The following TMPRSS11A variants were observed in gnomAD, a reference collection of about 807,000 sequenced individuals.
TMPRSS11A encodes the protein transmembrane protease serine 11A.
A neutral mutation model predicts 58.9 loss-of-function variants in TMPRSS11A; 53 were observed. The ratio of observed to expected loss-of-function variants is 0.90; its 90% CI spans 0.72 to 1.13. The LOEUF (loss-of-function observed/expected upper bound fraction) is 1.13, where lower values mean the gene tolerates loss of function less well. TMPRSS11A is among the 50% of genes most tolerant of loss of function. The pLI is 0.00. For missense variants in TMPRSS11A, 493 were observed against 499.3 expected (o/e 0.99, Z 0.12); for synonymous variants, 167 against 169.8 (o/e 0.98, Z 0.13).
At position 67,920,506 on chromosome 4, in the gene TMPRSS11A, G is replaced by A. The variant is rs566611239; in HGVS notation, c.693-1274C>T. Among the ~76,000 whole-genome samples the A allele has an allele frequency of 4.3e-5, 6 of 138,056 alleles. No individual in the cohort carries two copies. The South Asian group carries it at 1.4e-3, about 32-fold the overall frequency. The allele number at this position is 138,056 out of a possible 152,430, so 90.6% of individuals were successfully genotyped here. On this transcript the variant is annotated intron_variant, in intron 7 of 9. Coordinates refer to ENST00000508048, the MANE Select transcript of TMPRSS11A (RefSeq NM_001114387.2). ...CAATGTGGTAGGGCATCTGGAAGTT[G>A]GTTCTGGAAAAATGAGGTAATTATA... is the stretch of plus-strand genomic sequence containing the variant.
At chr4:67,937,492 G>C (rs997406970) in intron 3 of TMPRSS11A, among the ~76,000 whole-genome samples, 2 of 152,164 alleles carry the variant, frequency 1.3e-5, no homozygotes, top group Non-Finnish European at 2.9e-5. Flanking sequence ...AATTGATTTA[G>C]ATTTTAATAA....
intron 1 of TMPRSS11A, among the ~76,000 whole-genome samples, chr4:67,949,961 G>A (rs1438429): frequency 0.95 from 144,858 of 152,300 alleles, 69,339 homozygotes; most frequent in East Asian, 1. Flanking sequence ...ATCCTTTTGG[G>A]ATCTAACCTT....
chr4:67,949,887 C>A (rs906228557), intron 1 of TMPRSS11A, among the ~76,000 whole-genome samples: 3 of 152,098 alleles, frequency 2.0e-5, no homozygotes, highest in Admixed American at 6.6e-5. Context: ...TCTCATTCTG[C>A]AGAGGCCATA....
At position 67,924,014 on chromosome 4, in the gene TMPRSS11A, T is replaced by C. The variant is rs558711606; in HGVS notation, c.520+114A>G. ...GTATTTAAATCTATCGTACAAATAG[T>C]TATTATCTCTCAAAGAAAATCTGGA... On this transcript the variant is annotated intron_variant, in intron 6 of 9. Transcript: ENST00000508048. 21 of 876,526 alleles carry C rather than the reference T, an allele frequency of 2.4e-5. No homozygotes were observed. The African/African-American group carries it at 3.2e-4, about 13-fold the overall frequency. 54.3% of individuals were successfully genotyped at this position (876,526 alleles called of 1,614,324 possible). A position where few individuals can be genotyped will look rare whatever the true frequency, so the allele number is the denominator to read the frequency against.
intron 3 of TMPRSS11A, 138 bp downstream of exon 3, chr4:67,944,381 T>A (rs756464256): frequency 3.1e-6 from 3 of 969,662 alleles, no homozygotes; most frequent in Non-Finnish European, 4.6e-6. Flanking sequence ...TAAGCAGGTC[T>A]GGGATGGGGC....
At chr4:67,935,054 TACA>T (rs538179938) in intron 3 of TMPRSS11A, among the ~76,000 whole-genome samples, 37 of 152,312 alleles carry the variant, frequency 2.4e-4, no homozygotes, top group Non-Finnish European at 4.9e-4. Context: ...TTCTCCTAAT[TACA>T]ACAAGAGTAA....
At chr4:67,958,605 A>G (rs1295874678) in intron 1 of TMPRSS11A, among the ~76,000 whole-genome samples, 1 of 152,232 alleles carries the variant, frequency 6.6e-6, no homozygotes, top group Non-Finnish European at 1.5e-5. Flanking sequence ...TTACAGGCTC[A>G]TAGGCAGAAG....
At chr4:67,918,312 T>A (rs979888314) in intron 8 of TMPRSS11A, among the ~76,000 whole-genome samples, 2 of 152,224 alleles carry the variant, frequency 1.3e-5, no homozygotes, top group African/African-American at 4.8e-5. Flanking sequence ...TCATTATTTC[T>A]TACAAGACTA....
chr4:67,924,211 TG>T (rs1720404525), intron 5 of TMPRSS11A, 45 bp from the exon 6 acceptor site: 1 of 1,575,630 alleles, frequency 6.3e-7, no homozygotes, highest in African/African-American at 1.3e-5. Flanking sequence ...GATATTTTCC[TG>T]GTTGGTCTCA....
intron 1 of TMPRSS11A, among the ~76,000 whole-genome samples, chr4:67,958,274 A>G (rs1289583498): frequency 6.6e-6 from 1 of 152,160 alleles, no homozygotes; most frequent in South Asian, 2.1e-4. Context: ...AGCTTTCACC[A>G]TGCACCTGGA....
intron 1 of TMPRSS11A, 43 bp from the exon 2 acceptor site, chr4:67,946,614 G>A (rs772989560): frequency 6.3e-7 from 1 of 1,576,894 alleles, no homozygotes; most frequent in South Asian, 1.2e-5. Flanking sequence ...AGATAGCAAT[G>A]CTTGCAGGTT....
rs189458159 is a variant in TMPRSS11A at position 67,923,849 on chromosome 4, G to A, written c.520+279C>T. Among the ~76,000 whole-genome samples the A allele has an allele frequency of 4.1e-3, 627 of 152,124 alleles. 6 individuals are homozygous for A. The highest frequency in any genetic ancestry group is 0.013 in the African/African-American group (543 of 41,514). Reference sequence around the variant, plus strand: ...TTTGTAGCAGAAAGTACATTTTATGGCATTTTTAAAAATTAGAAAAACAAG... The same window carrying A: ...TTTGTAGCAGAAAGTACATTTTATGACATTTTTAAAAATTAGAAAAACAAG... On this transcript the variant is annotated intron_variant, in intron 6 of 9. Transcript: ENST00000508048.
At chr4:67,919,624 G>A (rs1720265007) in intron 7 of TMPRSS11A, among the ~76,000 whole-genome samples, 1 of 152,140 alleles carries the variant, frequency 6.6e-6, no homozygotes, top group African/African-American at 2.4e-5. Context: ...AAGGATCAAA[G>A]CAAGCAAACA....
chr4:67,948,066 CAG>C lies in TMPRSS11A; in HGVS notation c.12-1497_12-1496del, dbSNP rs145094423. 1.7e-4 allele frequency among the ~76,000 whole-genome samples: 25 copies of C among 151,480 alleles called. No individual in the cohort carries two copies. The East Asian group carries it at 3.1e-3, about 19-fold the overall frequency. On this transcript the variant is annotated intron_variant, in intron 1 of 9. Coordinates refer to ENST00000508048, the MANE Select transcript of TMPRSS11A (RefSeq NM_001114387.2). ...TTGATAGCCTAAATTTTTTTGGAAACAGAGGATATTTTTCATATTTTCTTCAC... is the reference window on the plus strand; with the variant it reads ...TTGATAGCCTAAATTTTTTTGGAAACAGGATATTTTTCATATTTTCTTCAC...
At chr4:67,921,448 G>A (rs746686230) in intron 7 of TMPRSS11A, among the ~76,000 whole-genome samples, 7 of 152,000 alleles carry the variant, frequency 4.6e-5, no homozygotes, top group Non-Finnish European at 1.0e-4. Flanking sequence ...ATCCTCCTGC[G>A]TTAGCCTCCC....
At chr4:67,931,176 G>A (rs1720607732) in intron 4 of TMPRSS11A, among the ~76,000 whole-genome samples, 1 of 152,064 alleles carries the variant, frequency 6.6e-6, no homozygotes, top group Non-Finnish European at 1.5e-5. Context: ...TCCCTCCTAA[G>A]TATTGTAGGA....
intron 3 of TMPRSS11A, among the ~76,000 whole-genome samples, chr4:67,937,293 C>T (rs1300725524): frequency 6.6e-6 from 1 of 152,130 alleles, no homozygotes; most frequent in Non-Finnish European, 1.5e-5. Context: ...TATCCATCAG[C>T]TTCCTTCATC....
chr4:67,919,304 A>G, intron 7 of TMPRSS11A, 72 bp from the exon 8 acceptor site: 1 of 1,379,522 alleles, frequency 7.2e-7, no homozygotes, highest in African/African-American at 1.4e-5. Context: ...AATTGCATTT[A>G]GGCTAATATA....
chr4:67,918,560 A>T (rs2109736450), intron 8 of TMPRSS11A, among the ~76,000 whole-genome samples: 1 of 152,296 alleles, frequency 6.6e-6, no homozygotes, highest in Admixed American at 6.5e-5. Flanking sequence ...ATTCCTTTCT[A>T]TGTATTTTTT....
Sources: gnomAD v4.1 joint callset for allele counts (sites outside exome capture counted in the v4.1 genomes callset) on GRCh38, gnomAD v4.1.1 for gene constraint, MANE v1.5 for transcripts, NCBI Gene and HGNC (gene_info 2026-07-23, HGNC 2026-07-21) for gene names.